The following MMEL1 variants were observed in gnomAD, a reference collection of about 807,000 sequenced individuals.
MMEL1 encodes membrane metallo-endopeptidase-like 1.
A neutral mutation model predicts 117.1 loss-of-function variants in MMEL1; 98 were observed. That is an observed-to-expected ratio of 0.84 (90% confidence interval 0.71 to 0.99). MMEL1 has a LOEUF of 0.99. Ranked by LOEUF, MMEL1 falls within the 50% of genes least tolerant of loss-of-function variation. The probability of loss-of-function intolerance (pLI) is 0.00; values close to 1 mark genes in which losing one functional copy is unlikely to be tolerated. For missense variants in MMEL1, 1,014 were observed against 1,049.1 expected (o/e 0.97, Z 0.46); for synonymous variants, 390 against 415.1 (o/e 0.94, Z 0.74).
At chr1:2,631,155 C>G (rs761515053) in intron 1 of MMEL1, among the ~76,000 whole-genome samples, 8 of 152,218 alleles carry the variant, frequency 5.3e-5, no homozygotes, top group Non-Finnish European at 1.2e-4. Flanking sequence ...CGGAGCCCTG[C>G]TGGGAAGTTG....
intron 2 of MMEL1, among the ~76,000 whole-genome samples, chr1:2,628,809 G>A (rs546275156): frequency 6.6e-6 from 1 of 152,176 alleles, no homozygotes; most frequent in East Asian, 1.9e-4. Flanking sequence ...CCTTCCCGCC[G>A]TGGTCCCGTG....
chr1:2,620,990 T>TAA (rs1300601589), intron 2 of MMEL1, among the ~76,000 whole-genome samples: 1 of 152,120 alleles, frequency 6.6e-6, no homozygotes, highest in Non-Finnish European at 1.5e-5. Context: ...GCATTCACCT[T>TAA]AAAACAGAGA....
intron 2 of MMEL1, among the ~76,000 whole-genome samples, chr1:2,618,412 T>A (rs557177775): frequency 3.3e-5 from 5 of 152,364 alleles, no homozygotes; most frequent in African/African-American, 4.8e-5. Context: ...CTCTATAAAT[T>A]ACTCAGTCTC....
At chr1:2,617,243 C>T (rs193054338) in intron 2 of MMEL1, among the ~76,000 whole-genome samples, 23 of 151,700 alleles carry the variant, frequency 1.5e-4, no homozygotes, top group East Asian at 9.7e-4. Context: ...CCGGCTAACA[C>T]GGTGAAACCC....
chr1:2,591,679 GCCAGGA>G, intron 22 of MMEL1, 46 bp from the exon 23 acceptor site: 1 of 852,380 alleles, frequency 1.2e-6, no homozygotes, highest in Non-Finnish European at 1.9e-6. Context: ...TGGTGGGGTG[GCCAGGA>G]GGGGTGGGGG....
At chr1:2,621,944 G>A (rs78205221) in intron 2 of MMEL1, among the ~76,000 whole-genome samples, 7 of 152,202 alleles carry the variant, frequency 4.6e-5, no homozygotes, top group East Asian at 1.9e-4. Flanking sequence ...TAGGGCACAC[G>A]TCCTCAGGAC....
rs981425865 is a variant in MMEL1 at position 2,632,903 on chromosome 1, G to T, written c.-75C>A. ...AGGAGTGGCTGCCGCCCACAGTCAG[G>T]CCCCTGGAGACTGGGTCCCAGTGGG... is the stretch of plus-strand genomic sequence containing the variant. On this transcript the variant is annotated 5_prime_UTR_variant, in exon 1 of 24. Coordinates refer to ENST00000378412, the MANE Select transcript of MMEL1 (RefSeq NM_033467.4). 3 of 985,536 alleles carry T rather than the reference G, an allele frequency of 3.0e-6. No individual in the cohort carries two copies. Among genetic ancestry groups the T allele is most frequent in the Non-Finnish European group, 3.6e-6 (3 of 830,064 alleles). 61.0% of individuals were successfully genotyped at this position (985,536 alleles called of 1,614,324 possible).
At chr1:2,617,298 G>A (rs1421343077) in intron 2 of MMEL1, among the ~76,000 whole-genome samples, 1 of 151,988 alleles carries the variant, frequency 6.6e-6, no homozygotes, top group African/African-American at 2.4e-5. Flanking sequence ...GTGGTGGCGG[G>A]CGCCTGTAGT....
At chr1:2,603,828 G>A in intron 11 of MMEL1, 56 bp downstream of exon 11, 1 of 1,521,690 alleles carries the variant, frequency 6.6e-7, no homozygotes, top group East Asian at 2.2e-5. Flanking sequence ...CCGCTTCCAT[G>A]TCCCCCACGA....
intron 12 of MMEL1, 26 bp downstream of exon 12, chr1:2,598,628 C>T (rs763337554): frequency 6.2e-7 from 1 of 1,613,134 alleles, no homozygotes; most frequent in South Asian, 1.1e-5. Flanking sequence ...ATGCTGAGGC[C>T]TTTGGAGACC....
intron 13 of MMEL1, 29 bp downstream of exon 13, chr1:2,598,178 G>T: frequency 6.2e-7 from 1 of 1,600,334 alleles, no homozygotes; most frequent in Non-Finnish European, 8.6e-7. Context: ...TGAGTGCCCG[G>T]CCAGGCTCTG....
At chr1:2,604,836 T>A (rs933474106) in intron 9 of MMEL1, among the ~76,000 whole-genome samples, 1 of 152,152 alleles carries the variant, frequency 6.6e-6, no homozygotes, top group Non-Finnish European at 1.5e-5. Context: ...TCTGAACACA[T>A]GGCCAGACAT....
At position 2,594,442 on chromosome 1, in the gene MMEL1, A is replaced by G; in HGVS notation, c.1690T>C (p.Trp564Arg). Residue 564 changes from tryptophan to arginine, a missense_variant and splice_region_variant, in exon 18 of 24, where the codon TGG becomes CGG. Coordinates refer to ENST00000378412, the MANE Select transcript of MMEL1 (RefSeq NM_033467.4). ...TTGACCACCGCCGCCCCGATGATCC[A>G]GCTGTGATAGACAAGCCGGTCTCTG... ...KLREKVDPNL[W>R]IIGAAVVNAF... 6.4e-7 allele frequency: 1 copy of G among 1,551,368 alleles called. No homozygotes were observed. The highest frequency in any genetic ancestry group is 8.7e-7 in the Non-Finnish European group (1 of 1,146,932).
chr1:2,593,193 T>C (rs559093554), intron 19 of MMEL1, among the ~76,000 whole-genome samples: 1 of 152,308 alleles, frequency 6.6e-6, no homozygotes, highest in East Asian at 1.9e-4. Context: ...TGGTCTCCCA[T>C]GCCACCCCCT....
chr1:2,625,351 G>T (rs571825799), intron 2 of MMEL1, among the ~76,000 whole-genome samples: 39 of 152,334 alleles, frequency 2.6e-4, no homozygotes, highest in African/African-American at 8.9e-4. Flanking sequence ...CATTTATCAA[G>T]TGATCCAAAA....
chr1:2,599,455 C>A (rs2100934476), intron 11 of MMEL1, among the ~76,000 whole-genome samples: 1 of 152,298 alleles, frequency 6.6e-6, no homozygotes, highest in African/African-American at 2.4e-5. Context: ...AATTTTAATT[C>A]ACTACAATAA....
chr1:2,602,459 C>T (rs1644948263), intron 11 of MMEL1, among the ~76,000 whole-genome samples: 1 of 152,204 alleles, frequency 6.6e-6, no homozygotes, highest in African/African-American at 2.4e-5. Context: ...AGTCCTTTTG[C>T]AAACCCTGTT....
rs886911291 is a variant in MMEL1 at position 2,593,664 on chromosome 1, C to T, written c.1867+150G>A. 7.8e-5 allele frequency: 92 copies of T among 1,175,156 alleles called. 1 individual carries two copies. The South Asian group carries it at 1.8e-3, about 22-fold the overall frequency. The allele number at this position is 1,175,156 out of a possible 1,614,324, so 72.8% of individuals were successfully genotyped here. A position where few individuals can be genotyped will look rare whatever the true frequency, so the allele number is the denominator to read the frequency against. On this transcript the variant is annotated intron_variant, in intron 19 of 23. Transcript: ENST00000378412. ...CAGGGCCCCAGCCTGGCATTCAAAGCCTGCTCTGCCCCCACAGCTCCCTGA... is the reference window on the plus strand; with the variant it reads ...CAGGGCCCCAGCCTGGCATTCAAAGTCTGCTCTGCCCCCACAGCTCCCTGA...
chr1:2,620,492 T>C (rs1645273316), intron 2 of MMEL1, among the ~76,000 whole-genome samples: 1 of 152,178 alleles, frequency 6.6e-6, no homozygotes, highest in South Asian at 2.1e-4. Flanking sequence ...CCCTACAAGA[T>C]TCCCGGGTTT....
Sources: gnomAD v4.1 joint callset for allele counts (sites outside exome capture counted in the v4.1 genomes callset) on GRCh38, gnomAD v4.1.1 for gene constraint, MANE v1.5 for transcripts, NCBI Gene and HGNC (gene_info 2026-07-23, HGNC 2026-07-21) for gene names.